The following LARGE1 variants were observed in gnomAD, a reference collection of about 807,000 sequenced individuals.
LARGE1 encodes the protein xylosyl- and glucuronyltransferase LARGE1.
In LARGE1, 43 loss-of-function variants were observed where a neutral mutation model predicts 87.6. The observed-to-expected ratio is 0.49, with a 90% CI of 0.38 to 0.63. The LOEUF is 0.63. LARGE1 is among the 30% of genes least tolerant of loss of function. The pLI is 0.00. For missense variants in LARGE1, 802 were observed against 1,000.2 expected, an observed-to-expected ratio of 0.80 and a Z score of 2.67; for synonymous variants, 434 against 394.6, an observed-to-expected ratio of 1.10 and a Z score of -1.18.
In LARGE1 at chr22:33,274,375, G is replaced by A. The variant is rs941695219; in HGVS notation, c.*52C>T. ...ATTTGAAGGCCGGGCCCCAAACAGC[G>A]AGTGGCACTTCCCCTACAGCATGTC... On this transcript the variant is annotated 3_prime_UTR_variant, in exon 15 of 15. Transcript: ENST00000397394. 1.0e-5 allele frequency: 16 copies of A among 1,570,002 alleles called. No individual in the cohort carries two copies. In the East Asian group the frequency reaches 1.6e-4, roughly 15 times the overall value.
At chr22:33,572,209 A>T in intron 5 of LARGE1, 2 of 1,288,938 alleles carry the variant, frequency 1.6e-6, no homozygotes, top group Non-Finnish European at 2.0e-6. Flanking sequence ...TAAAAAAAGA[A>T]GTCATCCCAG....
chr22:33,217,938 C>CT (rs887023465), intron 11 of LARGE1, among the ~76,000 whole-genome samples: 18 of 145,064 alleles, frequency 1.2e-4, no homozygotes, highest in East Asian at 4.0e-4. Context: ...CTTTTTTTTT[C>CT]TTTTTTTTTT....
chr22:33,763,743 A>C (rs1380147539), intron 1 of LARGE1, among the ~76,000 whole-genome samples: 1 of 151,304 alleles, frequency 6.6e-6, no homozygotes, highest in East Asian at 1.9e-4. Flanking sequence ...CAAATGAGAG[A>C]GCCTTTAATG....
intron 1 of LARGE1, among the ~76,000 whole-genome samples, chr22:33,846,664 C>T (rs569146750): frequency 1.3e-5 from 2 of 152,212 alleles, no homozygotes; most frequent in East Asian, 1.9e-4. Context: ...GAACATCCCT[C>T]GGAAAGAGAA....
chr22:33,346,571 G>C (rs1289330438), intron 9 of LARGE1, among the ~76,000 whole-genome samples: 1 of 152,050 alleles, frequency 6.6e-6, no homozygotes, highest in Admixed American at 6.6e-5. Context: ...CTAAAGTGCT[G>C]GGATTACAGG....
At chr22:33,437,164 G>A (rs2067300889) in intron 6 of LARGE1, among the ~76,000 whole-genome samples, 1 of 152,206 alleles carries the variant, frequency 6.6e-6, no homozygotes, top group Non-Finnish European at 1.5e-5. Context: ...ACTGATTGGA[G>A]TTTGGAAGCT....
chr22:33,182,390 T>C (rs1923218790), intron 11 of LARGE1, among the ~76,000 whole-genome samples: 1 of 152,160 alleles, frequency 6.6e-6, no homozygotes, highest in Non-Finnish European at 1.5e-5. Flanking sequence ...CCCTTTCATA[T>C]TGTGTGTGTG....
chr22:33,755,167 T>G (rs1248093957), intron 2 of LARGE1, among the ~76,000 whole-genome samples: 2 of 152,202 alleles, frequency 1.3e-5, no homozygotes, highest in African/African-American at 4.8e-5. Context: ...AAACATTCAT[T>G]TCAGAGGGGG....
chr22:33,806,891 T>C (rs571018972), intron 1 of LARGE1, among the ~76,000 whole-genome samples: 24 of 152,228 alleles, frequency 1.6e-4, no homozygotes, highest in African/African-American at 5.8e-4. Flanking sequence ...GTGCCTGTAG[T>C]CCCAGCTGCT....
intron 3 of LARGE1, among the ~76,000 whole-genome samples, chr22:33,649,721 C>A (rs1222987104): frequency 6.6e-6 from 1 of 152,176 alleles, no homozygotes; most frequent in African/African-American, 2.4e-5. Context: ...ACCATGAGAA[C>A]TGGAAACAAT....
At chr22:33,570,983 C>T (rs1177622498) in intron 5 of LARGE1, among the ~76,000 whole-genome samples, 3 of 152,154 alleles carry the variant, frequency 2.0e-5, no homozygotes, top group African/African-American at 7.2e-5. Context: ...AAGTCAACAC[C>T]TGGCAGAGTA....
At chr22:33,564,697 T>A in intron 6 of LARGE1, 151 bp downstream of exon 6, 1 of 735,130 alleles carries the variant, frequency 1.4e-6, no homozygotes, top group South Asian at 1.6e-5. Context: ...CCAAGCAGAG[T>A]TGATATTGAA....
intron 2 of LARGE1, among the ~76,000 whole-genome samples, chr22:33,751,970 T>C (rs888102421): frequency 2.6e-5 from 4 of 152,130 alleles, no homozygotes; most frequent in Admixed American, 2.0e-4. Context: ...TTAGTAGAGA[T>C]GGGGGTTCGC....
intron 6 of LARGE1, among the ~76,000 whole-genome samples, chr22:33,497,071 C>CTTTTTTTTTTTTTTTTTTTTT: frequency 7.5e-6 from 1 of 133,960 alleles, no homozygotes. Context: ...CTTTTCTTTT[C>CTTTTTTTTTTTTTTTTTTTTT]TTTTTTTTTT....
downstream of LARGE1, among the ~76,000 whole-genome samples, chr22:33,269,330 T>G (rs1237819831): frequency 6.6e-6 from 1 of 152,196 alleles, no homozygotes; most frequent in Non-Finnish European, 1.5e-5. Flanking sequence ...GTGAAAGTCT[T>G]AAGGTGAAAC....
rs1422247953 is a variant in LARGE1 at position 33,601,609 on chromosome 22, A to C, written c.615+2826T>G. On this transcript the variant is annotated intron_variant, in intron 5 of 14. Coordinates refer to ENST00000397394, the MANE Select transcript of LARGE1 (RefSeq NM_133642.5). ...AAAATTACGTTTTATAAATACTTTC[A>C]TACTGTTGTACTGGATTCTGACAAC... Among the ~76,000 whole-genome samples the C allele has an allele frequency of 6.6e-5, 10 of 152,178 alleles. No individual in the cohort carries two copies. In the East Asian group the frequency reaches 1.9e-3, roughly 29 times the overall value.
intron 2 of LARGE1, among the ~76,000 whole-genome samples, chr22:33,753,015 A>AT (rs1285285769): frequency 6.6e-6 from 1 of 152,168 alleles, no homozygotes; most frequent in Non-Finnish European, 1.5e-5. Flanking sequence ...AGGTCAGGAG[A>AT]TTGAGACCAT....
Position 33,564,948 on chromosome 22 carries a change from C to A in LARGE1, c.687G>T (p.Lys229Asn). 6.2e-7 allele frequency: 1 copy of A among 1,614,120 alleles called. No homozygotes were observed. Residue 229 changes from lysine (K) to asparagine (N), a missense_variant, in exon 6 of 15, where the codon AAG (lysine) becomes AAT (asparagine). Around this residue, in one of 2 missense-constraint regions of LARGE1, gnomAD observed 625 missense variants for 841.9 expected, o/e 0.74. Coordinates refer to ENST00000397394, the MANE Select transcript of LARGE1 (RefSeq NM_133642.5). Reference sequence around the variant, plus strand: ...CTCTCTCCAGGTTGGCAGGAAGAGTCTTGGTCAGGACAAGCTTCATCAGAC... The same window carrying A: ...CTCTCTCCAGGTTGGCAGGAAGAGTATTGGTCAGGACAAGCTTCATCAGAC... ...IYGLMKLVLT[K>N]TLPANLERVI...
At position 33,650,681 on chromosome 22, in the gene LARGE1, A is replaced by C. The variant is rs1341628392; in HGVS notation, c.107-13T>G. Reference sequence around the variant, plus strand: ...ACGGGCTTTCCATCTGGGGAGCGAAACACCAGGGAAGCTTTAATCTGGATG... The same window carrying C: ...ACGGGCTTTCCATCTGGGGAGCGAACCACCAGGGAAGCTTTAATCTGGATG... On this transcript the variant is annotated splice_polypyrimidine_tract_variant and intron_variant, in intron 2 of 14. Coordinates refer to ENST00000397394, the MANE Select transcript of LARGE1 (RefSeq NM_133642.5). 6.3e-7 allele frequency: 1 copy of C among 1,598,396 alleles called. No individual in the cohort carries two copies. The highest frequency in any genetic ancestry group is 2.2e-5 in the East Asian group (1 of 44,864).
Sources: allele counts gnomAD v4.1 joint callset (sites outside exome capture counted in the v4.1 genomes callset), GRCh38; gene constraint gnomAD v4.1.1; regional missense constraint gnomAD v4.1.1; transcripts MANE v1.5; gene names NCBI Gene and HGNC (gene_info 2026-07-23, HGNC 2026-07-21).